GGCX: variants seen among roughly 807,000 people sequenced by gnomAD.
GGCX encodes the protein vitamin K-dependent gamma-carboxylase.
Under a neutral mutation model 88.5 loss-of-function variants are expected in GGCX, and 63 were observed. The observed-to-expected ratio is 0.71, with a 90% CI of 0.58 to 0.88. The LOEUF (loss-of-function observed/expected upper bound fraction) is 0.88, where lower values mean the gene tolerates loss of function less well. Among genes scored for constraint, GGCX ranks in the 40% least tolerant of loss-of-function variants. The probability of loss-of-function intolerance (pLI) is 0.00; values close to 1 mark genes in which losing one functional copy is unlikely to be tolerated. For synonymous variants in GGCX, 368 were observed against 365.8 expected, an observed-to-expected ratio of 1.01 and a Z score of -0.07; for missense variants, 805 against 932.9, an observed-to-expected ratio of 0.86 and a Z score of 1.79.
At chr2:85,550,443 A>G (rs930884316) in intron 14 of GGCX, 112 bp downstream of exon 14, 6 of 802,774 alleles carry the variant, frequency 7.5e-6, no homozygotes, top group Non-Finnish European at 1.3e-5. Flanking sequence ...AAAGATACCT[A>G]GAGCTAAACT....
Position 85,549,879 on chromosome 2 carries a change from T to C in GGCX, c.*55A>G, listed in dbSNP as rs1403704179. 1 of 1,110,096 alleles carries C rather than the reference T, an allele frequency of 9.0e-7. No homozygotes were observed. Among genetic ancestry groups the C allele is most frequent in the African/African-American group, 1.6e-5 (1 of 63,032 alleles). 68.8% of individuals were successfully genotyped at this position (1,110,096 alleles called of 1,614,324 possible). A position where few individuals can be genotyped will look rare whatever the true frequency, so the allele number is the denominator to read the frequency against. ...TTTTTTCAAATAAATGTCCATTGCATAGAATGGGTCTGTGACTGGCTGCTT... is the reference window on the plus strand; with the variant it reads ...TTTTTTCAAATAAATGTCCATTGCACAGAATGGGTCTGTGACTGGCTGCTT... On this transcript the variant is annotated 3_prime_UTR_variant, in exon 15 of 15. Coordinates refer to ENST00000233838, the MANE Select transcript of GGCX (RefSeq NM_000821.7).
Position 85,560,925 on chromosome 2 carries a change from C to T in GGCX, c.104G>A (p.Gly35Glu), listed in dbSNP as rs1174990386. The change falls in exon 2 of 15, where the codon GGG (glycine) becomes GAG (glutamate). Residue 35 changes from glycine to glutamate, a missense_variant. By Grantham distance (98) the Gly-to-Glu change is moderately conservative. Transcript: ENST00000233838. ...ISGPRQDSRI[G>E]KLLGFEWTDL... is the part of the protein sequence containing the mutation. Reference sequence around the variant, plus strand: ...TGTCCACTCAAAACCCAAGAGTTTCCCTATTCGGCTGTCCTGCCTGGGCCC... The same window carrying T: ...TGTCCACTCAAAACCCAAGAGTTTCTCTATTCGGCTGTCCTGCCTGGGCCC... 1.9e-6 allele frequency: 3 copies of T among 1,613,894 alleles called. No individual in the cohort carries two copies. The highest frequency in any genetic ancestry group is 2.5e-6 in the Non-Finnish European group (3 of 1,179,878).
At chr2:85,557,221 G>A (rs917112535) in intron 4 of GGCX, among the ~76,000 whole-genome samples, 10 of 152,160 alleles carry the variant, frequency 6.6e-5, no homozygotes, top group African/African-American at 1.9e-4. Context: ...CTGCGATGTG[G>A]AAAACCCTGA....
rs992803528 is a variant in GGCX at position 85,548,490 on chromosome 2, T to C, written c.*1444A>G. The stretch of plus-strand genomic sequence containing the variant: ...CCTAGCATCGTTGGAAATCCTGGAG[T>C]AGACACAATCATCTGAAGTATGTAT... On this transcript the variant is annotated 3_prime_UTR_variant, in exon 15 of 15. Transcript: ENST00000233838. 1.3e-5 allele frequency: 2 copies of C among 151,968 alleles called. No homozygotes were observed. The highest frequency in any genetic ancestry group is 2.9e-5 in the Non-Finnish European group (2 of 67,998). The allele number at this position is 151,968 out of a possible 1,614,324, so 9.4% of individuals were successfully genotyped here. A position where few individuals can be genotyped will look rare whatever the true frequency, so the allele number is the denominator to read the frequency against.
Position 85,559,076 on chromosome 2 carries a change from C to G in GGCX, c.215-1G>C. On this transcript the variant is annotated splice_acceptor_variant, in intron 2 of 14. Coordinates refer to ENST00000233838, the MANE Select transcript of GGCX (RefSeq NM_000821.7). LOFTEE classifies it high-confidence loss of function. ...GGAATGTCTAGCACCATCAAGAACC[C>G]TAAGAAGGCAATAGGGGAGTTGGTC... The G allele has an allele frequency of 1.2e-6, 2 of 1,613,986 alleles. No homozygotes were observed. Among genetic ancestry groups the G allele is most frequent in the Non-Finnish European group, 1.7e-6 (2 of 1,179,854 alleles).
In GGCX at chr2:85,551,570, G is replaced by A; in HGVS notation, c.1650C>T (p.Asn550=). 2 of 1,613,854 alleles carry A rather than the reference G, an allele frequency of 1.2e-6. No homozygotes were observed. Among genetic ancestry groups the A allele is most frequent in the Non-Finnish European group, 8.5e-7 (1 of 1,179,912 alleles). Residue 550 remains asparagine (N), a synonymous_variant, in exon 12 of 15, where the codon AAC becomes AAT. Transcript: ENST00000233838. ...CCCCCTGCAGCAGCTGGATGCTAGT[G>A]TTGCCCAGGTCTTCACTCACAAAAT... ...LENFVSEDLG[N]TSIQLLQGEV... is the part of the protein sequence containing the mutation.
rs1025428808 is a variant in GGCX, at chr2:85,553,328, G to A, written c.1059C>T (p.Gly353=). The A allele has an allele frequency of 1.9e-6, 3 of 1,614,082 alleles. No homozygotes were observed. Among genetic ancestry groups the A allele is most frequent in the Non-Finnish European group, 2.5e-6 (3 of 1,180,012 alleles). ...CVYKRSRGKS[G]QKPGLRHQLG... ...GCTGATGGCGCAGCCCTGGCTTCTG[G>A]CCACTTTTGCCCCGGCTCCTCTTAT... The change falls in exon 8 of 15, where the codon GGC becomes GGT. Residue 353 remains glycine (G), a synonymous_variant. Coordinates refer to ENST00000233838, the MANE Select transcript of GGCX (RefSeq NM_000821.7).
chr2:85,549,911 C>G lies in GGCX; in HGVS notation c.*23G>C. On this transcript the variant is annotated 3_prime_UTR_variant, in exon 15 of 15. Coordinates refer to ENST00000233838, the MANE Select transcript of GGCX (RefSeq NM_000821.7). ...GGTCTGTGACTGGCTGCTTCTACAT[C>G]TGCACCCAACATCTGGCCCCCTTCA... is the stretch of plus-strand genomic sequence containing the variant. The G allele has an allele frequency of 1.3e-6, 2 of 1,511,622 alleles. No homozygotes were observed. Among genetic ancestry groups the G allele is most frequent in the Non-Finnish European group, 9.1e-7 (1 of 1,093,364 alleles). The allele number at this position is 1,511,622 out of a possible 1,614,324, so 93.6% of individuals were successfully genotyped here. A position where few individuals can be genotyped will look rare whatever the true frequency, so the allele number is the denominator to read the frequency against.
At position 85,548,374 on chromosome 2, in the gene GGCX, G is replaced by T. The variant is rs950591074; in HGVS notation, c.*1560C>A. On this transcript the variant is annotated 3_prime_UTR_variant, in exon 15 of 15. Coordinates refer to ENST00000233838, the MANE Select transcript of GGCX (RefSeq NM_000821.7). ...AAGGAAGTCTGAGTTGGGGATGAAT[G>T]TAAGTTCTGTTTAGGATGAACTGAG... 2 of 152,182 alleles carry T rather than the reference G, an allele frequency of 1.3e-5. No homozygotes were observed. Among genetic ancestry groups the T allele is most frequent in the Non-Finnish European group, 2.9e-5 (2 of 68,042 alleles). The allele number at this position is 152,182 out of a possible 1,614,324, so 9.4% of individuals were successfully genotyped here.
At chr2:85,552,334 C>A in intron 10 of GGCX, 82 bp downstream of exon 10, 1 of 1,326,294 alleles carries the variant, frequency 7.5e-7, no homozygotes, top group Non-Finnish European at 1.1e-6. Context: ...TTAAGCAAGA[C>A]AATACCAGGA....
Position 85,553,087 on chromosome 2 carries a change from G to A in GGCX, c.1156-17C>T, listed in dbSNP as rs761081487. The A allele has an allele frequency of 6.2e-7, 1 of 1,614,166 alleles. No individual in the cohort carries two copies. The highest frequency in any genetic ancestry group is 8.5e-7 in the Non-Finnish European group (1 of 1,179,994). On this transcript the variant is annotated splice_polypyrimidine_tract_variant and intron_variant, in intron 8 of 14. Transcript: ENST00000233838. ...GTTATAGCCCTGGGAAGGCAGCACAGAGGGGAATCAGCTCAATGCTTCTCA... is the reference window on the plus strand; with the variant it reads ...GTTATAGCCCTGGGAAGGCAGCACAAAGGGGAATCAGCTCAATGCTTCTCA...
At chr2:85,552,796 AAAAG>A (rs1692018580) in intron 9 of GGCX, 139 bp downstream of exon 9, 1 of 981,206 alleles carries the variant, frequency 1.0e-6, no homozygotes, top group Non-Finnish European at 1.7e-6. Context: ...CAACCCACAT[AAAAG>A]ATAGTTCAAT....
intron 12 of GGCX, 43 bp from the exon 13 acceptor site, chr2:85,551,115 C>G (rs1691930445): frequency 1.3e-6 from 2 of 1,592,066 alleles, no homozygotes; most frequent in African/African-American, 1.3e-5. Context: ...CAGCTTTTCT[C>G]TAGCCAGCTT....
chr2:85,551,179 A>C (rs540277238), intron 12 of GGCX, 107 bp from the exon 13 acceptor site: 3 of 1,141,904 alleles, frequency 2.6e-6, no homozygotes, highest in South Asian at 2.5e-5. Flanking sequence ...TGTGTTTTGG[A>C]ATCGAAAGTA....
rs1347572024 is a variant in GGCX, at chr2:85,547,153, ATTATAGT to A, written c.*2774_*2780del. 6.6e-6 allele frequency: 1 copy of A among 152,226 alleles called. No individual in the cohort carries two copies. The highest frequency in any genetic ancestry group is 1.5e-5 in the Non-Finnish European group (1 of 68,062). 9.4% of individuals were successfully genotyped at this position (152,226 alleles called of 1,614,324 possible). Reference sequence around the variant, plus strand: ...ATAACAGCAGGGGATGATAAGGGTGATTATAGTTTAGAAAGCATGAAAGTATGACTTA... The same window carrying A: ...ATAACAGCAGGGGATGATAAGGGTGATTAGAAAGCATGAAAGTATGACTTA... On this transcript the variant is annotated 3_prime_UTR_variant, in exon 15 of 15. Transcript: ENST00000233838.
intron 6 of GGCX, chr2:85,555,128 T>A (rs1692154874): frequency 4.0e-6 from 1 of 250,162 alleles, no homozygotes; most frequent in African/African-American, 2.2e-5. Context: ...TCTCAGTACA[T>A]CAGCTGCAGG....
intron 12 of GGCX, 43 bp downstream of exon 12, chr2:85,551,437 C>T: frequency 6.2e-7 from 1 of 1,603,866 alleles, no homozygotes; most frequent in African/African-American, 1.3e-5. Context: ...GTGTGAGCTA[C>T]TGCACTCAGT....
At chr2:85,555,685 A>C in intron 5 of GGCX, 95 bp from the exon 6 acceptor site, 1 of 747,480 alleles carries the variant, frequency 1.3e-6, no homozygotes, top group Admixed American at 1.9e-5. Context: ...GGACAACTTG[A>C]ATCCATGCTC....
In GGCX at chr2:85,550,911, G is replaced by T; in HGVS notation, c.1888+14C>A. The T allele has an allele frequency of 6.2e-7, 1 of 1,613,588 alleles. No homozygotes were observed. The highest frequency in any genetic ancestry group is 1.3e-5 in the African/African-American group (1 of 75,006). The stretch of plus-strand genomic sequence containing the variant: ...AACCAGAGGCTATCTCAGCCCAAAT[G>T]TTCATACACTCACCACTTCCATTCT... On this transcript the variant is annotated intron_variant, in intron 13 of 14. Coordinates refer to ENST00000233838, the MANE Select transcript of GGCX (RefSeq NM_000821.7).
Sources: gnomAD v4.1 joint callset for allele counts (sites outside exome capture counted in the v4.1 genomes callset) on GRCh38, gnomAD v4.1.1 for gene constraint, MANE v1.5 for transcripts, NCBI Gene and HGNC (gene_info 2026-07-23, HGNC 2026-07-21) for gene names.